Variants in NODAL observed in about 807,000 individuals in gnomAD.
The protein encoded by NODAL is nodal homolog.
A neutral mutation model predicts 34.0 loss-of-function variants in NODAL; 12 were observed. The ratio of observed to expected loss-of-function variants is 0.35; its 90% CI spans 0.23 to 0.57. NODAL has a LOEUF of 0.57. Ranked by LOEUF, NODAL falls within the 20% of genes least tolerant of loss-of-function variation. The pLI is 0.83. For missense variants in NODAL, 390 were observed against 444.2 expected (o/e 0.88, Z 1.10); for synonymous variants, 162 against 186.4 (o/e 0.87, Z 1.07).
At position 70,432,607 on chromosome 10, in the gene NODAL, T is replaced by C; in HGVS notation, c.*329A>G. On this transcript the variant is annotated 3_prime_UTR_variant, in exon 3 of 3. Coordinates refer to ENST00000287139, the MANE Select transcript of NODAL (RefSeq NM_018055.5). ...TATGTCTCAACTTTCACATACAGTT[T>C]CGGGGGGTTCACAGGTTTTTAAAAA... The C allele has an allele frequency of 2.6e-6, 1 of 386,720 alleles. No individual in the cohort carries two copies. Among genetic ancestry groups the C allele is most frequent in the Non-Finnish European group, 4.9e-6 (1 of 202,496 alleles). The allele number at this position is 386,720 out of a possible 1,614,324, so 24.0% of individuals were successfully genotyped here.
intron 2 of NODAL, among the ~76,000 whole-genome samples, chr10:70,434,050 G>T (rs1194468022): frequency 6.6e-6 from 1 of 152,126 alleles, no homozygotes; most frequent in African/African-American, 2.4e-5. Context: ...GGACTCCCTT[G>T]CATGACCTCA....
At chr10:70,446,276 A>T (rs924001003), upstream of NODAL, among the ~76,000 whole-genome samples, 4 of 152,142 alleles carry the variant, frequency 2.6e-5, no homozygotes, top group African/African-American at 9.7e-5. Flanking sequence ...TGCTTTCCAT[A>T]GAGACATTTT....
chr10:70,441,729 GC>G, upstream of NODAL: 1 of 1,497,550 alleles, frequency 6.7e-7, no homozygotes. Context: ...CTCAGCAGCC[GC>G]CCCGCCCCCA....
chr10:70,446,660 G>A (rs1845490340), upstream of NODAL, among the ~76,000 whole-genome samples: 1 of 152,070 alleles, frequency 6.6e-6, no homozygotes, highest in Non-Finnish European at 1.5e-5. Context: ...TATGCCAGGG[G>A]TGACACTGGC....
Position 70,433,014 on chromosome 10 carries a change from G to A in NODAL, c.966C>T (p.Ser322=). Reference sequence around the variant, plus strand: ...CTCTGCCATTATCCACATACAGCATGCTCAGCGGCTTGGTCTTCACTGGGG... The same window carrying A: ...CTCTGCCATTATCCACATACAGCATACTCAGCGGCTTGGTCTTCACTGGGG... ...CCAPVKTKPL[S]MLYVDNGRVL... The change falls in exon 3 of 3, where the codon AGC becomes AGT. Residue 322 remains serine (S), a synonymous_variant. Coordinates refer to ENST00000287139, the MANE Select transcript of NODAL (RefSeq NM_018055.5). 1 of 1,614,022 alleles carries A rather than the reference G, an allele frequency of 6.2e-7. No individual in the cohort carries two copies. Among genetic ancestry groups the A allele is most frequent in the Non-Finnish European group, 8.5e-7 (1 of 1,180,020 alleles).
intron 1 of NODAL, chr10:70,447,788 G>T (rs1845504476): frequency 4.5e-6 from 2 of 441,080 alleles, no homozygotes; most frequent in South Asian, 1.7e-5. Context: ...CTAGGAGCAG[G>T]GGTGACCCCT....
At chr10:70,441,718 C>G (rs1172719193), upstream of NODAL, 2 of 1,527,938 alleles carry the variant, frequency 1.3e-6, no homozygotes, top group African/African-American at 1.4e-5. Flanking sequence ...ATATCCTGGG[C>G]CTCAGCAGCC....
Position 70,432,991 on chromosome 10 carries a change from C to G in NODAL, c.989G>C (p.Arg330Thr). ...GTCTTTATGGTGATCTAGGAGCACT[C>G]TGCCATTATCCACATACAGCATGCT... The part of the protein sequence containing the change: ...PLSMLYVDNG[R>T]VLLDHHKDMI... Residue 330 changes from arginine to threonine, a missense_variant, in exon 3 of 3, where the codon AGA becomes ACA. Coordinates refer to ENST00000287139, the MANE Select transcript of NODAL (RefSeq NM_018055.5). 6.2e-7 allele frequency: 1 copy of G among 1,614,156 alleles called. No homozygotes were observed. The highest frequency in any genetic ancestry group is 1.1e-5 in the South Asian group (1 of 91,082).
At chr10:70,444,594 A>C (rs116737892), upstream of NODAL, among the ~76,000 whole-genome samples, 282 of 151,352 alleles carry the variant, frequency 1.9e-3, no homozygotes, top group Middle Eastern at 0.01. Flanking sequence ...CTTGGCCTCC[A>C]TAAGTGCTGG....
intron 2 of NODAL, chr10:70,434,920 A>G: frequency 3.4e-6 from 1 of 290,656 alleles, no homozygotes; most frequent in Non-Finnish European, 6.6e-6. Context: ...ACAGCTAATG[A>G]GGAGTCAAAT....
chr10:70,443,947 T>C (rs1008768992), upstream of NODAL, among the ~76,000 whole-genome samples: 1 of 151,726 alleles, frequency 6.6e-6, no homozygotes, highest in African/African-American at 2.4e-5. Flanking sequence ...TTTTTTTTTT[T>C]TTGAGATGTA....
At position 70,432,498 on chromosome 10, in the gene NODAL, AG is replaced by A; in HGVS notation, c.*437del. ...ATACAGTGATCCTTAATCTTTGGGG[AG>A]GGGGACAGGTCACACACAGACTACT... On this transcript the variant is annotated 3_prime_UTR_variant, in exon 3 of 3. Transcript: ENST00000287139. The A allele has an allele frequency of 3.7e-6, 1 of 270,914 alleles. No homozygotes were observed. The highest frequency in any genetic ancestry group is 2.2e-5 in the African/African-American group (1 of 45,618). 16.8% of individuals were successfully genotyped at this position (270,914 alleles called of 1,614,324 possible).
rs369058589 is a variant in NODAL at position 70,441,617 on chromosome 10, G to C, written c.51C>G (p.Leu17=). Reference sequence around the variant, plus strand: ...TGGCCACCGTCGCAGCACCCGCCTGGAGTAGGGCCCACCAGGCGTGCAGAA... The same window carrying C: ...TGGCCACCGTCGCAGCACCCGCCTGCAGTAGGGCCCACCAGGCGTGCAGAA... ...PFLLHAWWAL[L]QAGAATVATA... is the part of the protein sequence containing the mutation. Residue 17 remains leucine, a synonymous_variant, in exon 1 of 3, where the codon CTC becomes CTG. Coordinates refer to ENST00000287139, the MANE Select transcript of NODAL (RefSeq NM_018055.5). 1.9e-6 allele frequency: 3 copies of C among 1,553,312 alleles called. No homozygotes were observed. The highest frequency in any genetic ancestry group is 3.9e-5 in the Admixed American group (2 of 51,256).
upstream of NODAL, among the ~76,000 whole-genome samples, chr10:70,445,448 T>C (rs1476968567): frequency 4.6e-5 from 7 of 152,182 alleles, no homozygotes; most frequent in East Asian, 1.4e-3. Flanking sequence ...TCAGTAGAGA[T>C]GGGGTTTCAC....
At position 70,435,065 on chromosome 10, in the gene NODAL, G is replaced by A. The variant is rs1845325713; in HGVS notation, c.891+221C>T. On this transcript the variant is annotated intron_variant, in intron 2 of 2. Coordinates refer to ENST00000287139, the MANE Select transcript of NODAL (RefSeq NM_018055.5). Reference sequence around the variant, plus strand: ...AAGGATAAAGTCCCAGGGAAACAATGTGTTCAAGGCTACCCAGTGACGCAT... The same window carrying A: ...AAGGATAAAGTCCCAGGGAAACAATATGTTCAAGGCTACCCAGTGACGCAT... The A allele has an allele frequency of 7.1e-6, 4 of 563,620 alleles. No homozygotes were observed. In the South Asian group the frequency reaches 8.6e-5, roughly 12 times the overall value. The allele number at this position is 563,620 out of a possible 1,614,324, so 34.9% of individuals were successfully genotyped here.
rs1845270752 is a variant in NODAL at position 70,432,156 on chromosome 10, C to T, written c.*780G>A. Among the ~76,000 whole-genome samples, 1 of 152,240 alleles carries T rather than the reference C, an allele frequency of 6.6e-6. No homozygotes were observed. The highest frequency in any genetic ancestry group is 1.9e-4 in the East Asian group (1 of 5,194). On this transcript the variant is annotated 3_prime_UTR_variant, in exon 3 of 3. Transcript: ENST00000287139. ...AAGCTCAGAGGCCTCATTAATAGCACACATTGAGAGACTGAGGTGGATTGT... is the reference window on the plus strand; with the variant it reads ...AAGCTCAGAGGCCTCATTAATAGCATACATTGAGAGACTGAGGTGGATTGT...
In NODAL at chr10:70,435,880, G is replaced by C; in HGVS notation, c.297C>G (p.Ser99Arg). The C allele has an allele frequency of 6.2e-7, 1 of 1,614,154 alleles. No individual in the cohort carries two copies. Among genetic ancestry groups the C allele is most frequent in the Non-Finnish European group, 8.5e-7 (1 of 1,180,046 alleles). The change falls in exon 2 of 3, where the codon AGC becomes AGG. Residue 99 changes from serine to arginine, a missense_variant. Transcript: ENST00000287139. ...AGCCCTCAGTGGGGAGGTCCACAGGGCTGGACAGCTGCAGCCGGAGCTCAG... is the reference window on the plus strand; with the variant it reads ...AGCCCTCAGTGGGGAGGTCCACAGGCCTGGACAGCTGCAGCCGGAGCTCAG... Reference protein sequence around the residue: ...AWAELRLQLSSPVDLPTEGSL... With the variant: ...AWAELRLQLSRPVDLPTEGSL...
chr10:70,442,591 C>A (rs1479849406), upstream of NODAL, among the ~76,000 whole-genome samples: 1 of 152,176 alleles, frequency 6.6e-6, no homozygotes, highest in Non-Finnish European at 1.5e-5. Flanking sequence ...AAATGTAAAT[C>A]CCTGCCCCAG....
intron 2 of NODAL, among the ~76,000 whole-genome samples, chr10:70,433,473 G>GGT (rs1379303267): frequency 6.6e-6 from 1 of 151,636 alleles, no homozygotes; most frequent in Non-Finnish European, 1.5e-5. Flanking sequence ...GGAGTGCAGT[G>GGT]GTGTGATCAC....
Sources: allele counts gnomAD v4.1 joint callset (sites outside exome capture counted in the v4.1 genomes callset), GRCh38; gene constraint gnomAD v4.1.1; transcripts MANE v1.5; gene names NCBI Gene and HGNC (gene_info 2026-07-23, HGNC 2026-07-21).